The following RPS6KC1 variants were observed in gnomAD, a reference collection of about 807,000 sequenced individuals.
The protein encoded by RPS6KC1 is ribosomal protein S6 kinase C1.
Under a neutral mutation model 103.8 loss-of-function variants are expected in RPS6KC1, and 54 were observed. That is an observed-to-expected ratio of 0.52 (90% CI 0.42 to 0.65). RPS6KC1 has a LOEUF of 0.65. Ranked by LOEUF, RPS6KC1 falls within the 30% of genes least tolerant of loss-of-function variation. RPS6KC1 has a pLI of 0.00. For missense variants in RPS6KC1, 1,151 were observed against 1,253.8 expected, an observed-to-expected ratio of 0.92 and a Z score of 1.24; for synonymous variants, 439 against 438.7, an observed-to-expected ratio of 1.00 and a Z score of -0.01.
At chr1:213,112,114 GT>G (rs1302563527) in intron 4 of RPS6KC1, among the ~76,000 whole-genome samples, 4 of 151,872 alleles carry the variant, frequency 2.6e-5, no homozygotes, top group African/African-American at 9.7e-5. Flanking sequence ...TAGTAATTGA[GT>G]TTTTTTTGTG....
chr1:213,671,443 G>A, the RPS6KC1 span, among the ~76,000 whole-genome samples: 2 of 152,144 alleles, frequency 1.3e-5, no homozygotes, highest in East Asian at 3.9e-4. Context: ...AGGAGTTTTG[G>A]TGATTTATTT....
chr1:213,200,400 A>G (rs1238943993), intron 8 of RPS6KC1, among the ~76,000 whole-genome samples: 2 of 152,234 alleles, frequency 1.3e-5, no homozygotes. Context: ...TTCCCTATTC[A>G]GTAAATGGTG....
chr1:213,077,279 A>G (rs568567321), intron 2 of RPS6KC1, among the ~76,000 whole-genome samples: 15 of 152,334 alleles, frequency 9.8e-5, no homozygotes, highest in African/African-American at 3.1e-4. Flanking sequence ...ACATGTTTTG[A>G]CATCTAACTC....
the RPS6KC1 span, among the ~76,000 whole-genome samples, chr1:213,407,435 A>G: frequency 2.0e-5 from 3 of 152,194 alleles, no homozygotes; most frequent in Non-Finnish European, 4.4e-5. Context: ...ACTGAGAGTG[A>G]GCGGAAATCA....
chr1:213,368,835 A>G, the RPS6KC1 span, among the ~76,000 whole-genome samples: 1 of 152,182 alleles, frequency 6.6e-6, no homozygotes, highest in African/African-American at 2.4e-5. Context: ...CCTGCAATCT[A>G]AGTTGATTGA....
At chr1:213,789,602 A>G in the RPS6KC1 span, among the ~76,000 whole-genome samples, 1 of 152,150 alleles carries the variant, frequency 6.6e-6, no homozygotes, top group Admixed American at 6.5e-5. Flanking sequence ...AAAGTCACAC[A>G]AGCTTTGGAA....
the RPS6KC1 span, among the ~76,000 whole-genome samples, chr1:213,740,704 A>G: frequency 1.2e-5 from 1 of 82,568 alleles, no homozygotes; most frequent in Non-Finnish European, 2.6e-5. Flanking sequence ...ACATATATAC[A>G]TCTCAGATAT....
At chr1:213,171,036 A>G (rs2091435835) in intron 7 of RPS6KC1, among the ~76,000 whole-genome samples, 2 of 152,120 alleles carry the variant, frequency 1.3e-5, no homozygotes, top group African/African-American at 4.8e-5. Context: ...AATTTTTGTT[A>G]ATTATTGTTT....
intron 6 of RPS6KC1, among the ~76,000 whole-genome samples, chr1:213,151,266 G>A (rs2088819063): frequency 8.3e-6 from 1 of 121,164 alleles, no homozygotes; most frequent in Non-Finnish European, 1.8e-5. Context: ...CCGGGCAGAG[G>A]GGCTCCTCAC....
chr1:213,122,857 A>AT lies in RPS6KC1; in HGVS notation c.472+5453dup, dbSNP rs980463696. 4.6e-5 allele frequency among the ~76,000 whole-genome samples: 7 copies of AT among 151,938 alleles called. No individual in the cohort carries two copies. In the East Asian group the frequency reaches 5.8e-4, roughly 13 times the overall value. ...TGGAGCTTGACAAAAACAACAGGTCATTTTTTCCCCCCAAGATAGCCACAA... is the reference window on the plus strand; with the variant it reads ...TGGAGCTTGACAAAAACAACAGGTCATTTTTTTCCCCCCAAGATAGCCACAA... On this transcript the variant is annotated intron_variant, in intron 5 of 14. Coordinates refer to ENST00000366960, the MANE Select transcript of RPS6KC1 (RefSeq NM_012424.6).
chr1:213,681,419 G>A, the RPS6KC1 span, among the ~76,000 whole-genome samples: 7 of 152,172 alleles, frequency 4.6e-5, no homozygotes, highest in African/African-American at 1.7e-4. Context: ...CAAGGGATAA[G>A]AGCCAAATGT....
At chr1:213,343,687 G>A in the RPS6KC1 span, among the ~76,000 whole-genome samples, 1 of 151,128 alleles carries the variant, frequency 6.6e-6, no homozygotes, top group Admixed American at 6.6e-5. Flanking sequence ...ATACACATTG[G>A]GTATAATGTA....
At chr1:213,398,101 G>A in the RPS6KC1 span, among the ~76,000 whole-genome samples, 2 of 151,732 alleles carry the variant, frequency 1.3e-5, no homozygotes, top group African/African-American at 2.4e-5. Context: ...GTGCGATCTC[G>A]GCTCACTGAA....
the RPS6KC1 span, among the ~76,000 whole-genome samples, chr1:213,588,194 AC>A: frequency 6.6e-6 from 1 of 151,186 alleles, no homozygotes; most frequent in Non-Finnish European, 1.5e-5. Flanking sequence ...TGCTACCTCA[AC>A]CTCCTAGAGT....
At chr1:213,818,966 G>T in the RPS6KC1 span, 1 of 152,246 alleles carries the variant, frequency 6.6e-6, no homozygotes, top group African/African-American at 2.4e-5. Context: ...GGCTGGCATT[G>T]TGTACAGGCC....
chr1:213,211,997 C>T (rs1215335529), intron 8 of RPS6KC1, among the ~76,000 whole-genome samples: 1 of 152,056 alleles, frequency 6.6e-6, no homozygotes, highest in Non-Finnish European at 1.5e-5. Flanking sequence ...CCCCTTGACC[C>T]CACCCTTGCA....
the RPS6KC1 span, among the ~76,000 whole-genome samples, chr1:213,366,990 A>C: frequency 6.6e-6 from 1 of 152,226 alleles, no homozygotes; most frequent in South Asian, 2.1e-4. Flanking sequence ...CGTAGTCTTC[A>C]AGTCTTCTCC....
chr1:213,217,732 A>T (rs1480616625), intron 8 of RPS6KC1, among the ~76,000 whole-genome samples: 1 of 152,242 alleles, frequency 6.6e-6, no homozygotes, highest in African/African-American at 2.4e-5. Flanking sequence ...GCAAATCAAT[A>T]AACATAATCC....
At chr1:213,519,586 G>A in the RPS6KC1 span, among the ~76,000 whole-genome samples, 1 of 152,176 alleles carries the variant, frequency 6.6e-6, no homozygotes, top group East Asian at 1.9e-4. Flanking sequence ...TGTTTAGGCT[G>A]CTTGAGGTTA....
Sources: gnomAD v4.1 joint callset for allele counts (sites outside exome capture counted in the v4.1 genomes callset) on GRCh38, gnomAD v4.1.1 for gene constraint, MANE v1.5 for transcripts, NCBI Gene and HGNC (gene_info 2026-07-23, HGNC 2026-07-21) for gene names.